The following ATP8A2 variants were observed in gnomAD, a reference collection of about 807,000 sequenced individuals.
The protein encoded by ATP8A2 is ATPase phospholipid transporting 8A2, also known as phospholipid-transporting ATPase IB.
In ATP8A2, 100 loss-of-function variants were observed where a neutral mutation model predicts 165.6. The observed-to-expected ratio is 0.60, with a 90% CI of 0.51 to 0.71. ATP8A2 has a LOEUF of 0.71. ATP8A2 is among the 30% of genes least tolerant of loss of function. The pLI, the probability that ATP8A2 is intolerant of heterozygous loss-of-function variation, is 0.00. For missense variants in ATP8A2, 1,227 were observed against 1,479.5 expected (o/e 0.83, Z 2.80); for synonymous variants, 543 against 548.8 (o/e 0.99, Z 0.15).
At chr13:25,978,913 C>T (rs893500592) in intron 35 of ATP8A2, among the ~76,000 whole-genome samples, 1 of 151,952 alleles carries the variant, frequency 6.6e-6, no homozygotes, top group Non-Finnish European at 1.5e-5. Context: ...GCACTCCAGC[C>T]TGGGCGACAG....
At chr13:25,622,380 G>A (rs1481926141) in intron 24 of ATP8A2, among the ~76,000 whole-genome samples, 1 of 151,976 alleles carries the variant, frequency 6.6e-6, no homozygotes, top group Non-Finnish European at 1.5e-5. Flanking sequence ...ATGATGAGGA[G>A]CAGAAGGAAG....
chr13:25,580,199 C>T (rs1205510134), intron 22 of ATP8A2, among the ~76,000 whole-genome samples: 2 of 152,182 alleles, frequency 1.3e-5, no homozygotes, highest in Admixed American at 6.5e-5. Context: ...ACAGCATCAG[C>T]GACTTTCTGG....
intron 30 of ATP8A2, among the ~76,000 whole-genome samples, chr13:25,851,646 A>G (rs1952012249): frequency 6.6e-6 from 1 of 151,780 alleles, no homozygotes; most frequent in African/African-American, 2.4e-5. Flanking sequence ...AACATCCTTT[A>G]GATTTCTCTG....
At chr13:25,613,827 C>A (rs1029869110) in intron 24 of ATP8A2, among the ~76,000 whole-genome samples, 2 of 152,076 alleles carry the variant, frequency 1.3e-5, no homozygotes, top group Non-Finnish European at 2.9e-5. Context: ...CTGAGAGATT[C>A]CAGTGTGTTT....
chr13:25,697,453 G>A (rs1317260902), intron 24 of ATP8A2, among the ~76,000 whole-genome samples: 2 of 152,104 alleles, frequency 1.3e-5, no homozygotes, highest in Non-Finnish European at 2.9e-5. Flanking sequence ...ACTAATTTTT[G>A]TATTTTTAGT....
chr13:25,606,770 G>A (rs777445879), intron 24 of ATP8A2, among the ~76,000 whole-genome samples: 1 of 152,162 alleles, frequency 6.6e-6, no homozygotes, highest in South Asian at 2.1e-4. Context: ...GCTATCCATT[G>A]TAATAGTTGC....
chr13:25,817,049 C>T (rs1951042266), intron 27 of ATP8A2, among the ~76,000 whole-genome samples: 1 of 152,146 alleles, frequency 6.6e-6, no homozygotes, highest in African/African-American at 2.4e-5. Flanking sequence ...AATAGACCCC[C>T]TGCCACTGTT....
chr13:25,629,381 TAA>T (rs533400569), intron 24 of ATP8A2, among the ~76,000 whole-genome samples: 1 of 152,160 alleles, frequency 6.6e-6, no homozygotes, highest in Admixed American at 6.6e-5. Context: ...ACAGTTACAT[TAA>T]GTCTATTTTC....
chr13:25,975,591 A>G (rs2139233739), intron 35 of ATP8A2, among the ~76,000 whole-genome samples: 1 of 152,276 alleles, frequency 6.6e-6, no homozygotes, highest in East Asian at 1.9e-4. Context: ...CGAAAAAAAA[A>G]AAAGAAGTTT....
intron 1 of ATP8A2, among the ~76,000 whole-genome samples, chr13:25,386,996 C>CAAAA (rs10677080): frequency 1.2e-4 from 17 of 145,850 alleles, no homozygotes; most frequent in African/African-American, 4.0e-4. Flanking sequence ...GACTCCATCT[C>CAAAA]AAAAAAAACA....
Position 26,014,543 on chromosome 13 carries a change from C to T in ATP8A2, c.3469+1921C>T, listed in dbSNP as rs571901349. On this transcript the variant is annotated intron_variant, in intron 36 of 36. Coordinates refer to ENST00000381655, the MANE Select transcript of ATP8A2 (RefSeq NM_016529.6). The stretch of plus-strand genomic sequence containing the variant: ...TGAGTTTCAGATCTTTGCTACTTTT[C>T]GAGAGGCCTGTGGGTCCCTACCTAA... Among the ~76,000 whole-genome samples, 59 of 152,018 alleles carry T rather than the reference C, an allele frequency of 3.9e-4. 1 individual carries two copies. Among genetic ancestry groups the T allele is most frequent in the South Asian group, 3.3e-3 (16 of 4,822 alleles).
chr13:25,498,337 C>A (rs545098675), intron 2 of ATP8A2, among the ~76,000 whole-genome samples: 1 of 152,302 alleles, frequency 6.6e-6, no homozygotes, highest in South Asian at 2.1e-4. Flanking sequence ...TTTAAAATTT[C>A]TCATCATAGA....
intron 1 of ATP8A2, among the ~76,000 whole-genome samples, chr13:25,439,859 A>T (rs927375713): frequency 3.3e-5 from 5 of 151,866 alleles, no homozygotes; most frequent in Admixed American, 6.6e-5. Flanking sequence ...GTAAGCTATG[A>T]TTGTGCCACT....
chr13:25,705,990 A>G (rs1470474848), intron 25 of ATP8A2, among the ~76,000 whole-genome samples: 1 of 152,260 alleles, frequency 6.6e-6, no homozygotes, highest in African/African-American at 2.4e-5. Flanking sequence ...AGTTGCAAAG[A>G]CACTTGATGA....
At chr13:25,644,792 A>G (rs183411771) in intron 24 of ATP8A2, among the ~76,000 whole-genome samples, 2 of 152,302 alleles carry the variant, frequency 1.3e-5, no homozygotes, top group Admixed American at 1.3e-4. Context: ...AGTTGTATAT[A>G]TGTAGAAATT....
At chr13:25,801,709 A>T (rs1225852613) in intron 27 of ATP8A2, among the ~76,000 whole-genome samples, 1 of 152,164 alleles carries the variant, frequency 6.6e-6, no homozygotes, top group African/African-American at 2.4e-5. Flanking sequence ...AAAATATGAT[A>T]TACATGGTGT....
At chr13:25,905,099 A>T (rs1953893130) in intron 33 of ATP8A2, among the ~76,000 whole-genome samples, 1 of 149,252 alleles carries the variant, frequency 6.7e-6, no homozygotes, top group South Asian at 2.1e-4. Flanking sequence ...CACGTCACCC[A>T]TTGTCATGTT....
At chr13:25,462,477 C>T (rs181457853) in intron 1 of ATP8A2, among the ~76,000 whole-genome samples, 1 of 85,176 alleles carries the variant, frequency 1.2e-5, no homozygotes, top group Admixed American at 1.5e-4. Context: ...CCGGGAGGGT[C>T]CTGAACATGA....
chr13:25,530,610 T>G lies in ATP8A2; in HGVS notation c.370T>G (p.Leu124Val). The change falls in exon 4 of 37, where the codon TTG (leucine) becomes GTG (valine). Residue 124 changes from leucine (L) to valine (V), a missense_variant. Physicochemically the swap from Leu to Val is conservative, Grantham distance 32 (BLOSUM62 1). This residue lies in a region of ATP8A2 where 356 missense variants were observed against 394.9 expected (regional missense o/e 0.90). Transcript: ENST00000381655. ...AGGAAGATATACCACCCTGGTGCCATTGATCATTATTTTAACAATTGCAGG... is the reference window on the plus strand; with the variant it reads ...AGGAAGATATACCACCCTGGTGCCAGTGATCATTATTTTAACAATTGCAGG... Reference protein sequence around the residue: ...PTGRYTTLVPLIIILTIAGIK... With the variant: ...PTGRYTTLVPVIIILTIAGIK... 1 of 1,594,966 alleles carries G rather than the reference T, an allele frequency of 6.3e-7. No homozygotes were observed. The highest frequency in any genetic ancestry group is 8.6e-7 in the Non-Finnish European group (1 of 1,168,110).
Sources: gnomAD v4.1 joint callset for allele counts (sites outside exome capture counted in the v4.1 genomes callset) on GRCh38, gnomAD v4.1.1 for gene constraint, gnomAD v4.1.1 regional missense constraint, MANE v1.5 for transcripts, NCBI Gene and HGNC (gene_info 2026-07-23, HGNC 2026-07-21) for gene names.